SLC2A9: variants seen among roughly 807,000 people sequenced by gnomAD.
SLC2A9 encodes the protein solute carrier family 2, facilitated glucose transporter member 9.
A neutral mutation model predicts 50.6 loss-of-function variants in SLC2A9; 39 were observed. The observed-to-expected ratio is 0.77, with a 90% confidence interval of 0.60 to 1.01. The LOEUF (loss-of-function observed/expected upper bound fraction) is 1.01, where lower values mean the gene tolerates loss of function less well. Ranked by LOEUF, SLC2A9 falls within the 50% of genes least tolerant of loss-of-function variation. The pLI, the probability that SLC2A9 is intolerant of heterozygous loss-of-function variation, is 0.00. For synonymous variants in SLC2A9, 324 were observed against 276.9 expected, an observed-to-expected ratio of 1.17 and a Z score of -1.69; for missense variants, 686 against 677.6, an observed-to-expected ratio of 1.01 and a Z score of -0.14.
intron 10 of SLC2A9, chr4:9,879,195 G>A: frequency 1.0e-6 from 1 of 985,330 alleles, no homozygotes; most frequent in Non-Finnish European, 1.2e-6. Flanking sequence ...TTAATCTAGG[G>A]GGCTGTGGGA....
intron 1 of SLC2A9, among the ~76,000 whole-genome samples, chr4:9,774,699 T>C (rs1393817594): frequency 6.6e-6 from 1 of 151,878 alleles, no homozygotes; most frequent in Non-Finnish European, 1.5e-5. Context: ...AATCATTTTC[T>C]CTCTCTCTCT....
At position 9,802,553 on chromosome 4, in the gene SLC2A9, TC is replaced by T. The variant is rs201498831; in HGVS notation, n.421-3313del. Among the ~76,000 whole-genome samples the T allele has an allele frequency of 3.3e-3, 447 of 135,426 alleles. 3 individuals carry two copies. The highest frequency in any genetic ancestry group is 0.012 in the African/African-American group (423 of 34,944). 88.8% of individuals were successfully genotyped at this position (135,426 alleles called of 152,430 possible). The stretch of plus-strand genomic sequence containing the variant: ...TGAGCAGTAAAGAGGTTTTTTTTGT[TC>T]TTTTCTTTTTTTTTTTTTTTTTTTG... On this transcript the variant is annotated intron_variant and non_coding_transcript_variant, in intron 3 of 3. Transcript: ENST00000503280.
At chr4:9,928,389 G>A (rs1180000334) in intron 6 of SLC2A9, among the ~76,000 whole-genome samples, 1 of 152,218 alleles carries the variant, frequency 6.6e-6, no homozygotes, top group African/African-American at 2.4e-5. Context: ...AGATGTGTCT[G>A]TCATGTGGTT....
intron 3 of SLC2A9, among the ~76,000 whole-genome samples, chr4:9,820,323 T>C (rs1253669087): frequency 2.0e-5 from 3 of 152,244 alleles, no homozygotes; most frequent in Admixed American, 2.0e-4. Context: ...TCTTTGTGTC[T>C]ATACTTTCAC....
chr4:9,882,602 G>C (rs1358723731), intron 10 of SLC2A9, among the ~76,000 whole-genome samples: 1 of 151,954 alleles, frequency 6.6e-6, no homozygotes, highest in Non-Finnish European at 1.5e-5. Context: ...CCAGCTTCTT[G>C]GGAGGCTGAG....
At chr4:9,917,325 C>CTTTTTTTTTTTTTTTTTT (rs55927201) in intron 7 of SLC2A9, among the ~76,000 whole-genome samples, 4 of 81,800 alleles carry the variant, frequency 4.9e-5, no homozygotes, top group Non-Finnish European at 6.4e-5. Flanking sequence ...TTCTTTTTTC[C>CTTTTTTTTTTTTTTTTTT]TTTTTTTTTT....
intron 10 of SLC2A9, among the ~76,000 whole-genome samples, chr4:9,845,872 A>G (rs1728904656): frequency 6.6e-6 from 1 of 152,224 alleles, no homozygotes; most frequent in African/African-American, 2.4e-5. Flanking sequence ...CTTTTATTGA[A>G]ATACAGTCAT....
At chr4:9,949,276 T>C (rs1160021878) in intron 5 of SLC2A9, among the ~76,000 whole-genome samples, 1 of 152,196 alleles carries the variant, frequency 6.6e-6, no homozygotes, top group Non-Finnish European at 1.5e-5. Flanking sequence ...AGTAAATGCC[T>C]GTTTACTGAA....
At chr4:9,776,133 A>T (rs1717531399), downstream of SLC2A9, among the ~76,000 whole-genome samples, 1 of 152,002 alleles carries the variant, frequency 6.6e-6, no homozygotes, top group Admixed American at 6.5e-5. Context: ...AGTAGACAGG[A>T]AGCCAAGACT....
At chr4:9,880,236 A>G (rs1329128285) in intron 10 of SLC2A9, 4 of 985,380 alleles carry the variant, frequency 4.1e-6, no homozygotes, top group Non-Finnish European at 4.8e-6. Flanking sequence ...TCTCAATGTG[A>G]GTTTAAATGA....
intron 2 of SLC2A9, among the ~76,000 whole-genome samples, chr4:10,004,298 G>A (rs538018331): frequency 4.6e-5 from 7 of 152,282 alleles, no homozygotes; most frequent in Admixed American, 2.6e-4. Flanking sequence ...TGGTAGAACT[G>A]CAGGGCCTGC....
At chr4:9,996,677 G>T (rs1312305812) in intron 3 of SLC2A9, 104 bp downstream of exon 3, 13 of 1,385,326 alleles carry the variant, frequency 9.4e-6, no homozygotes, top group African/African-American at 1.4e-5. Flanking sequence ...CTCTCCAGTT[G>T]AACTGCCTGA....
At chr4:9,850,360 A>C (rs1266484718) in intron 10 of SLC2A9, among the ~76,000 whole-genome samples, 1 of 152,158 alleles carries the variant, frequency 6.6e-6, no homozygotes, top group Non-Finnish European at 1.5e-5. Flanking sequence ...TCTGCAGTGA[A>C]GCATGGCCAG....
At chr4:9,798,467 T>C (rs979435629), downstream of SLC2A9, among the ~76,000 whole-genome samples, 2 of 152,174 alleles carry the variant, frequency 1.3e-5, no homozygotes, top group Non-Finnish European at 2.9e-5. Flanking sequence ...GTAGCAATCA[T>C]TATGTAAAGA....
downstream of SLC2A9, among the ~76,000 whole-genome samples, chr4:9,797,939 C>T (rs1012360300): frequency 1.3e-5 from 2 of 152,184 alleles, no homozygotes; most frequent in African/African-American, 2.4e-5. Context: ...CTCCACAGTC[C>T]CCAGAGTTCC....
At chr4:9,987,984 TC>T (rs1757029800) in intron 3 of SLC2A9, among the ~76,000 whole-genome samples, 3 of 152,292 alleles carry the variant, frequency 2.0e-5, no homozygotes, top group East Asian at 3.9e-4. Context: ...AACTAGCGTT[TC>T]CCCCCTGGGG....
At chr4:9,843,795 C>T (rs754311285) in intron 10 of SLC2A9, among the ~76,000 whole-genome samples, 24 of 152,090 alleles carry the variant, frequency 1.6e-4, no homozygotes, top group Non-Finnish European at 2.6e-4. Context: ...AAGCATGTTC[C>T]AGGAGAATAT....
chr4:9,974,823 C>A (rs1387658291), intron 5 of SLC2A9, among the ~76,000 whole-genome samples: 1 of 152,066 alleles, frequency 6.6e-6, no homozygotes, highest in Non-Finnish European at 1.5e-5. Context: ...AGAACAAAAG[C>A]CAGAGGCATC....
In SLC2A9 at chr4:9,815,142, A is replaced by G. The variant is rs76689568; in HGVS notation, n.420+11278T>C. ...ACAATAGTGTGAAAATATTTATGCA[A>G]ACTTGAAGATAAATGAGCACTGCTA... is the stretch of plus-strand genomic sequence containing the variant. On this transcript the variant is annotated intron_variant and non_coding_transcript_variant, in intron 3 of 3. Coordinates refer to the SLC2A9 transcript ENST00000503280. 2.2e-4 allele frequency among the ~76,000 whole-genome samples: 34 copies of G among 152,304 alleles called. No individual in the cohort carries two copies. In the East Asian group the frequency reaches 6.6e-3, roughly 29 times the overall value.
Sources: gnomAD v4.1 joint callset for allele counts (sites outside exome capture counted in the v4.1 genomes callset) on GRCh38, gnomAD v4.1.1 for gene constraint, MANE v1.5 for transcripts, NCBI Gene and HGNC (gene_info 2026-07-23, HGNC 2026-07-21) for gene names.